CSNK1E: variants seen among roughly 807,000 people sequenced by gnomAD.
The protein encoded by CSNK1E is casein kinase 1 epsilon.
In CSNK1E, 17 loss-of-function variants were observed where a neutral mutation model predicts 46.1. The observed-to-expected ratio is 0.37, with a 90% confidence interval of 0.25 to 0.55. The LOEUF is 0.55. Ranked by LOEUF, CSNK1E falls within the 20% of genes least tolerant of loss-of-function variation. The probability of loss-of-function intolerance (pLI) is 0.82; values close to 1 mark genes in which losing one functional copy is unlikely to be tolerated. For synonymous variants in CSNK1E, 241 were observed against 242.6 expected (o/e 0.99, Z 0.06); for missense variants, 386 against 595.4 (o/e 0.65, Z 3.66).
chr22:38,297,902 A>G, intron 7 of CSNK1E: 1 of 1,067,880 alleles, frequency 9.4e-7, no homozygotes, highest in South Asian at 2.5e-5. Context: ...GGGGCCCTGG[A>G]GTCCAGACCA....
chr22:38,317,411 C>CCCGCCCT lies in CSNK1E; in HGVS notation c.-265_-264insAGGGCGG, dbSNP rs2092754324. ...CGGCCTCCTGCCCGCCCGCCCGCCC[C>CCCGCCCT]CGCCGCCGGCTCGCGCGCTCTCGCA... is the stretch of plus-strand genomic sequence containing the variant. On this transcript the variant is annotated 5_prime_UTR_variant, in exon 1 of 11. Coordinates refer to ENST00000396832, the MANE Select transcript of CSNK1E (RefSeq NM_152221.3). 6 of 129,142 alleles carry CCCGCCCT rather than the reference C, an allele frequency of 4.6e-5. No individual in the cohort carries two copies. Among genetic ancestry groups the CCCGCCCT allele is most frequent in the Non-Finnish European group, 1.0e-4 (6 of 58,588 alleles). The allele number at this position is 129,142 out of a possible 1,614,324, so 8.0% of individuals were successfully genotyped here.
intron 2 of CSNK1E, among the ~76,000 whole-genome samples, chr22:38,306,792 G>A (rs1377665920): frequency 2.0e-5 from 3 of 151,818 alleles, no homozygotes; most frequent in Admixed American, 6.6e-5. Context: ...TGATACCTTC[G>A]TATCAGCATC....
chr22:38,310,363 G>A (rs1044619582), intron 2 of CSNK1E, among the ~76,000 whole-genome samples: 48 of 152,144 alleles, frequency 3.2e-4, no homozygotes, highest in Admixed American at 2.9e-3. Context: ...GTGGCCACGG[G>A]CGTGGCCAGC....
intron 2 of CSNK1E, among the ~76,000 whole-genome samples, chr22:38,310,051 G>C (rs1291105276): frequency 6.6e-6 from 1 of 152,226 alleles, no homozygotes; most frequent in Non-Finnish European, 1.5e-5. Flanking sequence ...AGGTCTGACA[G>C]AACTGGATGG....
rs2092665230 is a variant in CSNK1E, at chr22:38,300,509, A to AGGCGCCCGGCAC, written c.565+203_565+214dup. Among the ~76,000 whole-genome samples the AGGCGCCCGGCAC allele has an allele frequency of 6.6e-6, 1 of 152,242 alleles. No homozygotes were observed. On this transcript the variant is annotated intron_variant, in intron 5 of 10. Transcript: ENST00000396832. This position sits in a 1 kb window ranked among gnomAD's most constrained non-coding sequence, Gnocchi z 4.4. ...GCGGAGGAGGAAGCAGGGCCAGGGA[A>AGGCGCCCGGCAC]GGCGCCCGGCACACACAGCTTGGCT...
chr22:38,306,317 C>A (rs1346837110), intron 2 of CSNK1E, among the ~76,000 whole-genome samples: 1 of 152,206 alleles, frequency 6.6e-6, no homozygotes, highest in Non-Finnish European at 1.5e-5. Context: ...TTATAAGTTG[C>A]AATTTCTTTC....
chr22:38,310,302 G>A (rs1317216505), intron 2 of CSNK1E, among the ~76,000 whole-genome samples: 1 of 152,186 alleles, frequency 6.6e-6, no homozygotes, highest in Non-Finnish European at 1.5e-5. Flanking sequence ...ACACAGAAAA[G>A]GGCTTGGACT....
At chr22:38,296,143 CA>C (rs1261911883) in intron 7 of CSNK1E, 7 of 991,130 alleles carry the variant, frequency 7.1e-6, no homozygotes, top group Non-Finnish European at 8.4e-6. Flanking sequence ...AGCCCCGAGG[CA>C]AGAAGTGGGC....
At chr22:38,295,034 C>G (rs2050350223) in intron 7 of CSNK1E, among the ~76,000 whole-genome samples, 2 of 152,184 alleles carry the variant, frequency 1.3e-5, no homozygotes, top group Admixed American at 1.3e-4. Flanking sequence ...GGCTAGGACT[C>G]AGACCAGCTC....
At position 38,300,080 on chromosome 22, in the gene CSNK1E, A is replaced by T; in HGVS notation, c.566-15T>A. ...ACGGCTTTGCTCTGCACAGAGAGTC[A>T]AAGACTAGGTGAGGGACAGGGGTCC... is the stretch of plus-strand genomic sequence containing the variant. On this transcript the variant is annotated splice_polypyrimidine_tract_variant and intron_variant, in intron 5 of 10. Coordinates refer to ENST00000396832, the MANE Select transcript of CSNK1E (RefSeq NM_152221.3). The surrounding 1 kb of genome is among the most constrained non-coding windows in gnomAD (Gnocchi z 4.4). The T allele has an allele frequency of 6.2e-7, 1 of 1,611,462 alleles. No homozygotes were observed. Among genetic ancestry groups the T allele is most frequent in the Non-Finnish European group, 8.5e-7 (1 of 1,178,334 alleles).
rs778913484 is a variant in CSNK1E, at chr22:38,300,675, C to T, written c.565+49G>A. On this transcript the variant is annotated intron_variant, in intron 5 of 10. Transcript: ENST00000396832. This position sits in a 1 kb window ranked among gnomAD's most constrained non-coding sequence, Gnocchi z 4.4. ...GTGAGAGGGCTCCAGAGAGCTGGGC[C>T]CCAGCCAGTGGCCCCGGGTGCACAC... 1.3e-6 allele frequency: 2 copies of T among 1,574,982 alleles called. No homozygotes were observed. The highest frequency in any genetic ancestry group is 1.7e-6 in the Non-Finnish European group (2 of 1,148,292).
chr22:38,304,678 C>T (rs1022449375), intron 2 of CSNK1E, among the ~76,000 whole-genome samples: 9 of 152,190 alleles, frequency 5.9e-5, no homozygotes, highest in African/African-American at 2.2e-4. Context: ...CAGGGGTGCA[C>T]TCCTCACAGC....
chr22:38,291,918 A>G lies in CSNK1E; in HGVS notation c.*53T>C, dbSNP rs376205064. On this transcript the variant is annotated 3_prime_UTR_variant, in exon 11 of 11. Coordinates refer to ENST00000396832, the MANE Select transcript of CSNK1E (RefSeq NM_152221.3). ...CCTTTTTTTTTTTTTTTTTTTTTTT[A>G]AAGAAAATACAGTGAAGACACTAGA... is the stretch of plus-strand genomic sequence containing the variant. 0.023 allele frequency: 2,473 copies of G among 107,112 alleles called. 43 individuals are homozygous for G. The highest frequency in any genetic ancestry group is 0.037 in the Non-Finnish European group (1,878 of 51,244). The allele number at this position is 107,112 out of a possible 1,614,324, so 6.6% of individuals were successfully genotyped here. A position where few individuals can be genotyped will look rare whatever the true frequency, so the allele number is the denominator to read the frequency against.
intron 2 of CSNK1E, among the ~76,000 whole-genome samples, chr22:38,308,422 G>A (rs975772877): frequency 1.3e-5 from 2 of 152,116 alleles, no homozygotes; most frequent in African/African-American, 4.8e-5. Flanking sequence ...AGAGAGGCAG[G>A]AGAGTGCAGC....
At chr22:38,296,560 G>A (rs779801607) in intron 7 of CSNK1E, 1 of 1,612,446 alleles carries the variant, frequency 6.2e-7, no homozygotes, top group Non-Finnish European at 8.5e-7. Flanking sequence ...GTGGCATTGA[G>A]TCAGAGATTG....
rs1287983819 is a variant in CSNK1E at position 38,298,775 on chromosome 22, A to C, written c.885+11T>G. 2.5e-6 allele frequency: 4 copies of C among 1,613,750 alleles called. No individual in the cohort carries two copies. In the Admixed American group the frequency reaches 5.0e-5, roughly 20 times the overall value. ...GTCCCCCAAGCCCGCCTTGGCCTCC[A>C]GGTGACTCACGAATTTCAGCATGTT... On this transcript the variant is annotated intron_variant, in intron 7 of 10. Coordinates refer to ENST00000396832, the MANE Select transcript of CSNK1E (RefSeq NM_152221.3). This position sits in a 1 kb window ranked among gnomAD's most constrained non-coding sequence, Gnocchi z 4.2.
intron 2 of CSNK1E, among the ~76,000 whole-genome samples, chr22:38,312,821 A>C (rs965366911): frequency 1.6e-4 from 24 of 152,264 alleles, no homozygotes; most frequent in Admixed American, 1.5e-3. Flanking sequence ...CAGCCACACA[A>C]AGCCACGTCT....
Position 38,297,964 on chromosome 22 carries a change from C to T in CSNK1E, c.885+822G>A, listed in dbSNP as rs890024705. Reference sequence around the variant, plus strand: ...TCCTCCACCTCCTCCACCGGCCTATCTGGGGGGCTCTGGGTGCCCAGGGGA... The same window carrying T: ...TCCTCCACCTCCTCCACCGGCCTATTTGGGGGGCTCTGGGTGCCCAGGGGA... On this transcript the variant is annotated intron_variant, in intron 7 of 10. Coordinates refer to ENST00000396832, the MANE Select transcript of CSNK1E (RefSeq NM_152221.3). 4 of 1,134,750 alleles carry T rather than the reference C, an allele frequency of 3.5e-6. No homozygotes were observed. The African/African-American group carries it at 5.1e-5, about 14-fold the overall frequency. 70.3% of individuals were successfully genotyped at this position (1,134,750 alleles called of 1,614,324 possible). A position where few individuals can be genotyped will look rare whatever the true frequency, so the allele number is the denominator to read the frequency against.
intron 2 of CSNK1E, among the ~76,000 whole-genome samples, chr22:38,306,791 C>T (rs1301701896): frequency 2.6e-5 from 4 of 151,966 alleles, no homozygotes; most frequent in Non-Finnish European, 5.9e-5. Context: ...CTGATACCTT[C>T]GTATCAGCAT....
Sources: allele counts gnomAD v4.1 joint callset (sites outside exome capture counted in the v4.1 genomes callset), GRCh38; gene constraint gnomAD v4.1.1; non-coding constraint Gnocchi (gnomAD v3.1); transcripts MANE v1.5; gene names NCBI Gene and HGNC (gene_info 2026-07-23, HGNC 2026-07-21).